The following REXO2 variants were observed in gnomAD, a reference collection of about 807,000 sequenced individuals.
REXO2 encodes the protein RNA exonuclease 2, also known as oligoribonuclease, mitochondrial.
Under a neutral mutation model 30.9 loss-of-function variants are expected in REXO2, and 17 were observed. The observed-to-expected ratio is 0.55, with a 90% confidence interval of 0.38 to 0.82. REXO2 has a LOEUF of 0.82. Among genes scored for constraint, REXO2 ranks in the 40% least tolerant of loss-of-function variants. The pLI is 0.00. For missense variants in REXO2, 253 were observed against 293.2 expected, an observed-to-expected ratio of 0.86 and a Z score of 1.00; for synonymous variants, 105 against 99.6, an observed-to-expected ratio of 1.05 and a Z score of -0.32.
At chr11:114,446,623 G>T (rs1393598588) in intron 5 of REXO2, among the ~76,000 whole-genome samples, 1 of 152,180 alleles carries the variant, frequency 6.6e-6, no homozygotes, top group Admixed American at 6.5e-5. Context: ...AGTCTTGCAG[G>T]CATTTTATTG....
rs766483160 is a variant in REXO2, at chr11:114,447,820, G to A, written c.531-6G>A. The A allele has an allele frequency of 6.2e-7, 1 of 1,612,742 alleles. No homozygotes were observed. Among genetic ancestry groups the A allele is most frequent in the Non-Finnish European group, 8.5e-7 (1 of 1,179,372 alleles). The stretch of plus-strand genomic sequence containing the variant: ...CCTTTGAGAGTTCCATTTCTGCTGT[G>A]TATAGACGCTGGTATCCAGAAGAAT... On this transcript the variant is annotated splice_region_variant and splice_polypyrimidine_tract_variant and intron_variant, in intron 5 of 6. Transcript: ENST00000265881.
At chr11:114,444,709 C>A in intron 4 of REXO2, 57 bp downstream of exon 4, 1 of 1,138,506 alleles carries the variant, frequency 8.8e-7, no homozygotes, top group Non-Finnish European at 1.2e-6. Context: ...GTTCAAGAGA[C>A]TGCAGTTCCA....
At position 114,449,949 on chromosome 11, in the gene REXO2, G is replaced by A; in HGVS notation, c.688G>A (p.Gly230Arg). ...AAAGAAGAGGAAAATTATAGAAAAT[G>A]GGGAAAATGAGAAGACCGTGAGTTG... ...DEKKRKIIEN[G>R]ENEKTVS Residue 230 changes from glycine (G) to arginine (R), a missense_variant, in exon 7 of 7, where the codon GGG (glycine) becomes AGG (arginine). Gly to Arg is a moderately radical substitution (Grantham distance 125). Coordinates refer to ENST00000265881, the MANE Select transcript of REXO2 (RefSeq NM_015523.4). 6.2e-7 allele frequency: 1 copy of A among 1,606,916 alleles called. No individual in the cohort carries two copies. Among genetic ancestry groups the A allele is most frequent in the East Asian group, 2.2e-5 (1 of 44,548 alleles).
At chr11:114,439,696 G>A (rs1238342720) in intron 1 of REXO2, 21 bp downstream of exon 1, 4 of 1,470,828 alleles carry the variant, frequency 2.7e-6, no homozygotes, top group Middle Eastern at 1.9e-4. Context: ...TCGGCGGGGG[G>A]CTTGGGGAGG....
At position 114,445,902 on chromosome 11, in the gene REXO2, A is replaced by G. The variant is rs548227472; in HGVS notation, c.422-77A>G. The G allele has an allele frequency of 9.6e-5, 78 of 812,978 alleles. No individual in the cohort carries two copies. In the African/African-American group the frequency reaches 1.2e-3, roughly 12 times the overall value. 50.4% of individuals were successfully genotyped at this position (812,978 alleles called of 1,614,324 possible). ...TTTTAAAAAATCATCTCCATTTCAAATACAACTTATGAATTTTGATATCCT... is the reference window on the plus strand; with the variant it reads ...TTTTAAAAAATCATCTCCATTTCAAGTACAACTTATGAATTTTGATATCCT... On this transcript the variant is annotated intron_variant, in intron 4 of 6. Transcript: ENST00000265881.
chr11:114,441,115 A>C (rs1946474862), intron 2 of REXO2: 1 of 163,256 alleles, frequency 6.1e-6, no homozygotes, highest in South Asian at 1.8e-4. Flanking sequence ...AGGACACTTG[A>C]GCATAGAGAT....
At position 114,444,669 on chromosome 11, in the gene REXO2, T is replaced by G; in HGVS notation, c.421+17T>G. ...CACTTGCAGGTAAAATCCAATCCTG[T>G]GTATATCTTATAGTCTTCCATATGT... is the stretch of plus-strand genomic sequence containing the variant. On this transcript the variant is annotated intron_variant, in intron 4 of 6. Coordinates refer to ENST00000265881, the MANE Select transcript of REXO2 (RefSeq NM_015523.4). 1 of 1,504,496 alleles carries G rather than the reference T, an allele frequency of 6.6e-7. No individual in the cohort carries two copies. Among genetic ancestry groups the G allele is most frequent in the African/African-American group, 1.4e-5 (1 of 71,216 alleles). The allele number at this position is 1,504,496 out of a possible 1,614,324, so 93.2% of individuals were successfully genotyped here.
chr11:114,446,760 G>T (rs1591212049), intron 5 of REXO2, among the ~76,000 whole-genome samples: 3 of 152,298 alleles, frequency 2.0e-5, no homozygotes, highest in African/African-American at 4.8e-5. Flanking sequence ...TGAGGTTGGA[G>T]AAGGTGGGAG....
In REXO2 at chr11:114,444,025, A is replaced by G. The variant is rs112810202; in HGVS notation, c.309+92A>G. 40 of 911,634 alleles carry G rather than the reference A, an allele frequency of 4.4e-5. 2 individuals carry two copies. The Middle Eastern group carries it at 6.4e-4, about 15-fold the overall frequency. The allele number at this position is 911,634 out of a possible 1,614,324, so 56.5% of individuals were successfully genotyped here. ...GAATCCGATACCATTGTTGGATGGT[A>G]TTTTAAAAAGGCTTAGAGAAGATTG... On this transcript the variant is annotated intron_variant, in intron 3 of 6. Coordinates refer to ENST00000265881, the MANE Select transcript of REXO2 (RefSeq NM_015523.4).
rs1946461428 is a variant in REXO2 at position 114,439,675 on chromosome 11, G to A, written c.147G>A (p.Glu49=). ...MAQRMVWVDL[E]MTGLDIEKDQ... ...AGCGGATGGTCTGGGTGGACCTGGA[G>A]GTGAGTGAGGTCGGCGGGGGGCTTG... Residue 49 remains glutamate (E), a splice_region_variant and synonymous_variant, in exon 1 of 7, where the codon GAG becomes GAA. Transcript: ENST00000265881. 2 of 1,518,606 alleles carry A rather than the reference G, an allele frequency of 1.3e-6. No individual in the cohort carries two copies. The highest frequency in any genetic ancestry group is 1.8e-6 in the Non-Finnish European group (2 of 1,137,714). The allele number at this position is 1,518,606 out of a possible 1,614,324, so 94.1% of individuals were successfully genotyped here.
At chr11:114,446,970 G>T (rs575862963) in intron 5 of REXO2, among the ~76,000 whole-genome samples, 5 of 127,536 alleles carry the variant, frequency 3.9e-5, no homozygotes, top group African/African-American at 1.5e-4. Flanking sequence ...ACGGAGTCTC[G>T]TTCTGTCGCC....
Position 114,449,842 on chromosome 11 carries a change from A to G in REXO2, c.585-4A>G. ...TTCATTCATTGTGGTATGTTTGCTT[A>G]TAGGGCACTTGATGACATTAGTGAA... On this transcript the variant is annotated splice_region_variant and splice_polypyrimidine_tract_variant and intron_variant, in intron 6 of 6. Transcript: ENST00000265881. The G allele has an allele frequency of 1.2e-6, 2 of 1,606,926 alleles. No homozygotes were observed. Among genetic ancestry groups the G allele is most frequent in the Non-Finnish European group, 1.7e-6 (2 of 1,176,696 alleles).
At chr11:114,442,016 C>A in intron 2 of REXO2, 1 of 505,970 alleles carries the variant, frequency 2.0e-6, no homozygotes, top group Non-Finnish European at 3.5e-6. Flanking sequence ...TTCCTTTAGA[C>A]TGTTGATATA....
chr11:114,447,984 A>G, intron 6 of REXO2, 105 bp downstream of exon 6: 1 of 863,148 alleles, frequency 1.2e-6, no homozygotes, highest in Non-Finnish European at 1.8e-6. Flanking sequence ...CTCGGGGAAA[A>G]GATAAAGTTC....
At chr11:114,445,921 A>G in intron 4 of REXO2, 58 bp from the exon 5 acceptor site, 1 of 896,554 alleles carries the variant, frequency 1.1e-6, no homozygotes, top group Admixed American at 2.1e-5. Flanking sequence ...ATGAATTTTG[A>G]TATCCTGTTG....
chr11:114,442,147 G>C (rs895785643), intron 2 of REXO2, among the ~76,000 whole-genome samples: 3 of 149,072 alleles, frequency 2.0e-5, no homozygotes, highest in Admixed American at 2.0e-4. Flanking sequence ...AGTCAGATGA[G>C]GATAAAGATG....
intron 2 of REXO2, among the ~76,000 whole-genome samples, chr11:114,441,207 C>T (rs534264147): frequency 6.4e-4 from 97 of 152,158 alleles, no homozygotes; most frequent in African/African-American, 2.1e-3. Context: ...GTAAGGTGCT[C>T]CTAACAAGTA....
intron 4 of REXO2, 91 bp from the exon 5 acceptor site, chr11:114,445,888 C>A: frequency 1.3e-6 from 1 of 752,210 alleles, no homozygotes; most frequent in Non-Finnish European, 2.3e-6. Flanking sequence ...TTTAAAAAAT[C>A]ATCTCCATTT....
chr11:114,439,671 TG>T lies in REXO2; in HGVS notation c.145del (p.Glu49ArgfsTer2). On this transcript the variant is annotated frameshift_variant, in exon 1 of 7. Coordinates refer to ENST00000265881, the MANE Select transcript of REXO2 (RefSeq NM_015523.4). LOFTEE classifies it high-confidence loss of function. Reference sequence around the variant, plus strand: ...GCTCAGCGGATGGTCTGGGTGGACCTGGAGGTGAGTGAGGTCGGCGGGGGGC... The same window carrying T: ...GCTCAGCGGATGGTCTGGGTGGACCTGAGGTGAGTGAGGTCGGCGGGGGGC... ...SMAQRMVWVD[L>X]EMTGLDIEKD... is the part of the protein sequence containing the mutation. 1 of 1,523,406 alleles carries T rather than the reference TG, an allele frequency of 6.6e-7. No individual in the cohort carries two copies. 94.4% of individuals were successfully genotyped at this position (1,523,406 alleles called of 1,614,324 possible).
Sources: gnomAD v4.1 joint callset for allele counts (sites outside exome capture counted in the v4.1 genomes callset) on GRCh38, gnomAD v4.1.1 for gene constraint, MANE v1.5 for transcripts, NCBI Gene and HGNC (gene_info 2026-07-23, HGNC 2026-07-21) for gene names.